Variants in ZNF600 observed in about 807,000 individuals in gnomAD.
ZNF600 encodes zinc finger protein 600, also known as zinc finger protein KR-ZNF1.
A neutral mutation model predicts 7.3 loss-of-function variants in ZNF600; 4 were observed. The ratio of observed to expected loss-of-function variants is 0.55; its 90% CI spans 0.27 to 1.25. The LOEUF is 1.25. ZNF600 is among the 50% of genes most tolerant of loss of function. The probability of loss-of-function intolerance (pLI) is 0.12; values close to 1 mark genes in which losing one functional copy is unlikely to be tolerated. For missense variants in ZNF600, 911 were observed against 922.1 expected, an observed-to-expected ratio of 0.99 and a Z score of 0.16; for synonymous variants, 290 against 308.9, an observed-to-expected ratio of 0.94 and a Z score of 0.64.
chr19:52,798,426 T>C, the ZNF600 span: 1 of 423,356 alleles, frequency 2.4e-6, no homozygotes, highest in Non-Finnish European at 4.7e-6. Flanking sequence ...GCTATACTAA[T>C]GGCATTTGAA....
At chr19:52,823,798 C>T in the ZNF600 span, among the ~76,000 whole-genome samples, 1 of 152,000 alleles carries the variant, frequency 6.6e-6, no homozygotes, top group Non-Finnish European at 1.5e-5. Flanking sequence ...CGCGGTGGTT[C>T]AAGCCTGTAA....
At chr19:52,785,078 A>G (rs183692553) in intron 1 of ZNF600, among the ~76,000 whole-genome samples, 36 of 149,782 alleles carry the variant, frequency 2.4e-4, no homozygotes, top group Non-Finnish European at 3.3e-4. Flanking sequence ...AATTCTGTGC[A>G]TATCTCTCAT....
chr19:52,830,499 G>A, the ZNF600 span, among the ~76,000 whole-genome samples: 1 of 151,920 alleles, frequency 6.6e-6, no homozygotes, highest in Non-Finnish European at 1.5e-5. Context: ...AAAATACAAG[G>A]AGAACAGAAA....
chr19:52,799,414 C>CT, the ZNF600 span: 1 of 682,636 alleles, frequency 1.5e-6, no homozygotes, highest in South Asian at 1.9e-5. Flanking sequence ...CAACCGAAAA[C>CT]TTTGTCACAT....
chr19:52,797,135 C>T, the ZNF600 span, among the ~76,000 whole-genome samples: 2 of 152,086 alleles, frequency 1.3e-5, no homozygotes, highest in African/African-American at 2.4e-5. Context: ...AGATGAAAAC[C>T]ACATCATCTC....
At chr19:52,790,861 A>C (rs1253789739), upstream of ZNF600, among the ~76,000 whole-genome samples, 1 of 151,864 alleles carries the variant, frequency 6.6e-6, no homozygotes, top group Non-Finnish European at 1.5e-5. Context: ...TCATATTTTT[A>C]GTAGAGATGA....
the ZNF600 span, among the ~76,000 whole-genome samples, chr19:52,830,148 CT>C: frequency 6.6e-6 from 1 of 152,010 alleles, no homozygotes; most frequent in African/African-American, 2.4e-5. Flanking sequence ...TGGTGCATGC[CT>C]GTAATCCCAG....
the ZNF600 span, among the ~76,000 whole-genome samples, chr19:52,804,520 G>A: frequency 1.3e-5 from 2 of 152,046 alleles, no homozygotes; most frequent in Non-Finnish European, 2.9e-5. Flanking sequence ...ACAGGCGCAC[G>A]CCACCATACA....
At chr19:52,770,224 G>A (rs913078128) in intron 3 of ZNF600, among the ~76,000 whole-genome samples, 5 of 152,238 alleles carry the variant, frequency 3.3e-5, no homozygotes, top group Middle Eastern at 6.8e-3. Flanking sequence ...TGTGGAGCAC[G>A]AGGTCAGGAG....
chr19:52,769,271 G>A (rs778294223), intron 3 of ZNF600, among the ~76,000 whole-genome samples: 7 of 152,136 alleles, frequency 4.6e-5, no homozygotes, highest in South Asian at 2.1e-4. Context: ...AGGCCTAACC[G>A]TCTCCCTGTG....
the ZNF600 span, chr19:52,807,903 T>G: frequency 6.4e-7 from 1 of 1,552,010 alleles, no homozygotes; most frequent in East Asian, 2.2e-5. Flanking sequence ...CATTTCAAAA[T>G]CAATACGGCT....
Position 52,767,653 on chromosome 19 carries a change from G to A in ZNF600, c.310C>T (p.Gln104Ter). Residue 104 changes from glutamine to a stop codon, truncating the protein, a stop_gained, in exon 4 of 4, where the codon CAG becomes TAG. Transcript: ENST00000648973. LOFTEE classifies it low-confidence loss of function (END_TRUNC). ...TCATGAATTTCTTTCTCAATTTCCT[G>A]GAAGCAAAAATCTCCAATGTGATAA... 5 of 1,613,832 alleles carry A rather than the reference G, an allele frequency of 3.1e-6. No individual in the cohort carries two copies. Among genetic ancestry groups the A allele is most frequent in the Non-Finnish European group, 4.2e-6 (5 of 1,179,972 alleles).
the ZNF600 span, among the ~76,000 whole-genome samples, chr19:52,824,179 A>G: frequency 6.8e-3 from 1,037 of 152,164 alleles, 13 homozygotes; most frequent in African/African-American, 0.024. Flanking sequence ...CAAAACAAAA[A>G]ACAAAAAAAA....
At chr19:52,781,729 T>C (rs1346269220) in intron 1 of ZNF600, among the ~76,000 whole-genome samples, 1 of 150,590 alleles carries the variant, frequency 6.6e-6, no homozygotes, top group Non-Finnish European at 1.5e-5. Context: ...TTCCACTGCA[T>C]TCCAGCCTAG....
the ZNF600 span, among the ~76,000 whole-genome samples, chr19:52,802,551 C>T: frequency 1.3e-5 from 2 of 151,910 alleles, no homozygotes; most frequent in African/African-American, 2.4e-5. Flanking sequence ...GTCACAGGTG[C>T]CTGTAATCCC....
chr19:52,794,890 A>G, the ZNF600 span, among the ~76,000 whole-genome samples: 1,327 of 152,264 alleles, frequency 8.7e-3, 14 homozygotes, highest in African/African-American at 0.03. Flanking sequence ...ACCATTCTAT[A>G]TACCTGAGCA....
At chr19:52,807,186 G>C in the ZNF600 span, among the ~76,000 whole-genome samples, 1 of 152,124 alleles carries the variant, frequency 6.6e-6, no homozygotes, top group Non-Finnish European at 1.5e-5. Flanking sequence ...CTCCAACATG[G>C]AGACAGCAGG....
chr19:52,786,988 G>A (rs957334054), upstream of ZNF600, among the ~76,000 whole-genome samples: 10 of 152,348 alleles, frequency 6.6e-5, no homozygotes, highest in East Asian at 1.3e-3. Context: ...TGATTCAAAA[G>A]CCCTGGAATT....
At chr19:52,789,768 A>G (rs1568639258), upstream of ZNF600, among the ~76,000 whole-genome samples, 1 of 152,288 alleles carries the variant, frequency 6.6e-6, no homozygotes, top group East Asian at 1.9e-4. Context: ...ACGGCCGTAC[A>G]CTTTAATGAG....
Sources: allele counts gnomAD v4.1 joint callset (sites outside exome capture counted in the v4.1 genomes callset), GRCh38; gene constraint gnomAD v4.1.1; transcripts MANE v1.5; gene names NCBI Gene and HGNC (gene_info 2026-07-23, HGNC 2026-07-21).